Variants in GRIK1 observed in about 807,000 individuals in gnomAD.
GRIK1 encodes the protein glutamate ionotropic receptor kainate type subunit 1, also known as glutamate receptor ionotropic, kainate 1.
GRIK1 carries 69 observed loss-of-function variants against 105.7 expected under a neutral mutation model. That is an observed-to-expected ratio of 0.65 (90% CI 0.54 to 0.80). The LOEUF (loss-of-function observed/expected upper bound fraction) is 0.80. GRIK1 is among the 30% of genes least tolerant of loss of function. The pLI is 0.00. For synonymous variants in GRIK1, 438 were observed against 431.3 expected (o/e 1.02, Z -0.19); for missense variants, 1,109 against 1,167.3 (o/e 0.95, Z 0.73).
intron 1 of GRIK1, among the ~76,000 whole-genome samples, chr21:29,750,195 GTTCCTTCTCTCCC>G (rs1029005958): frequency 1.3e-5 from 2 of 151,034 alleles, no homozygotes; most frequent in African/African-American, 4.9e-5. Context: ...CCTATTTTTA[GTTCCTTCTCTCCC>G]TTCCTTCTCT....
chr21:29,695,197 G>A (rs754117257), intron 1 of GRIK1, among the ~76,000 whole-genome samples: 18 of 152,100 alleles, frequency 1.2e-4, no homozygotes, highest in Non-Finnish European at 2.5e-4. Context: ...AGACATTGAT[G>A]TTTGACAGAA....
At chr21:29,639,476 G>A (rs954271828) in intron 7 of GRIK1, among the ~76,000 whole-genome samples, 2 of 152,134 alleles carry the variant, frequency 1.3e-5, no homozygotes, top group Admixed American at 1.3e-4. Flanking sequence ...AGAGGAGCAC[G>A]GCATTGCAAT....
At chr21:29,823,638 G>A (rs554522106) in intron 1 of GRIK1, among the ~76,000 whole-genome samples, 30 of 151,968 alleles carry the variant, frequency 2.0e-4, no homozygotes, top group Non-Finnish European at 3.5e-4. Context: ...TGACCAAGGA[G>A]TACTCTTACA....
chr21:29,574,687 T>C (rs1339696580), intron 14 of GRIK1, among the ~76,000 whole-genome samples: 4 of 134,780 alleles, frequency 3.0e-5, no homozygotes, highest in South Asian at 4.7e-4. Context: ...ACACTTCTTT[T>C]TTTTTTTTTT....
At chr21:29,808,438 A>T (rs2066920562) in intron 1 of GRIK1, among the ~76,000 whole-genome samples, 1 of 152,206 alleles carries the variant, frequency 6.6e-6, no homozygotes, top group East Asian at 1.9e-4. Context: ...CAAGACTGTA[A>T]CTTGTCACCA....
chr21:29,836,787 G>A (rs1223739248), intron 1 of GRIK1, among the ~76,000 whole-genome samples: 2 of 152,136 alleles, frequency 1.3e-5, no homozygotes, highest in Admixed American at 6.5e-5. Flanking sequence ...GCTAAAAAAT[G>A]TAATTTCATT....
chr21:29,939,230 C>G (rs1213798354), intron 1 of GRIK1, among the ~76,000 whole-genome samples, 153 bp downstream of exon 1: 3 of 152,296 alleles, frequency 2.0e-5, no homozygotes, highest in East Asian at 1.9e-4. Flanking sequence ...GCGGCTCCCC[C>G]TTTTTTGTGT....
At chr21:29,679,185 T>C (rs2268207) in intron 3 of GRIK1, among the ~76,000 whole-genome samples, 2 of 152,140 alleles carry the variant, frequency 1.3e-5, no homozygotes, top group Admixed American at 1.3e-4. Context: ...GGGTTGATTG[T>C]TTTTTTCAAT....
At chr21:29,823,374 A>G (rs369336500) in intron 1 of GRIK1, among the ~76,000 whole-genome samples, 6 of 151,962 alleles carry the variant, frequency 3.9e-5, no homozygotes, top group Non-Finnish European at 7.4e-5. Flanking sequence ...TTATAGAGCT[A>G]TGTATTTATT....
At chr21:29,704,200 T>C (rs2063862694) in intron 1 of GRIK1, among the ~76,000 whole-genome samples, 1 of 152,184 alleles carries the variant, frequency 6.6e-6, no homozygotes, top group Admixed American at 6.5e-5. Context: ...AATACAAAGA[T>C]GAAAGATGCT....
In GRIK1 at chr21:29,561,671, A is replaced by G. The variant is rs773570253; in HGVS notation, c.2309T>C (p.Ile770Thr). The G allele has an allele frequency of 1.5e-5, 24 of 1,614,090 alleles. No individual in the cohort carries two copies. Among genetic ancestry groups the G allele is most frequent in the Non-Finnish European group, 2.0e-5 (24 of 1,179,974 alleles). The change falls in exon 15 of 18, where the codon ATC becomes ACC. Residue 770 changes from isoleucine (I) to threonine (T), a missense_variant. Transcript: ENST00000327783. ...ACCTTTGGAGTCAATGAGGCCCCCG[A>G]TCTGAGTGAGGTTGCAGTTTCTCTG... ...VTQRNCNLTQ[I>T]GGLIDSKGYG... is the part of the protein sequence containing the mutation.
intron 13 of GRIK1, among the ~76,000 whole-genome samples, chr21:29,579,186 G>A (rs763760361): frequency 2.6e-5 from 4 of 152,086 alleles, no homozygotes; most frequent in Non-Finnish European, 5.9e-5. Flanking sequence ...TAATAGAAAC[G>A]TATTGAGATT....
intron 1 of GRIK1, among the ~76,000 whole-genome samples, chr21:29,774,761 T>A (rs1490574975): frequency 6.6e-6 from 1 of 152,176 alleles, no homozygotes. Context: ...TGTTTCTTTA[T>A]CTCCCTCTTT....
At chr21:29,854,690 A>G (rs467546) in intron 1 of GRIK1, among the ~76,000 whole-genome samples, 48,768 of 151,942 alleles carry the variant, frequency 0.32, 8,510 homozygotes, top group East Asian at 0.46. Flanking sequence ...ATGTTTTCTC[A>G]TCTATTTGCT....
intron 7 of GRIK1, among the ~76,000 whole-genome samples, chr21:29,624,974 G>T (rs929630734): frequency 1.1e-4 from 16 of 152,184 alleles, no homozygotes; most frequent in African/African-American, 3.9e-4. Flanking sequence ...ACTACCTCCT[G>T]TTCCTCAGGG....
intron 1 of GRIK1, among the ~76,000 whole-genome samples, chr21:29,893,243 C>A (rs766425992): frequency 1.3e-5 from 2 of 152,234 alleles, no homozygotes; most frequent in South Asian, 2.1e-4. Flanking sequence ...AGGTTTGAAT[C>A]CTGGTTTTTT....
intron 1 of GRIK1, among the ~76,000 whole-genome samples, chr21:29,721,778 A>G (rs990117374): frequency 6.6e-6 from 1 of 152,156 alleles, no homozygotes; most frequent in Non-Finnish European, 1.5e-5. Context: ...AAGTCTAGAA[A>G]AACTATACAA....
intron 1 of GRIK1, among the ~76,000 whole-genome samples, chr21:29,724,995 C>A (rs1049611107): frequency 4.1e-5 from 6 of 145,576 alleles, no homozygotes; most frequent in Non-Finnish European, 5.9e-5. Flanking sequence ...AAACCTTGGT[C>A]CCTTTGCCAC....
At chr21:29,610,691 A>C (rs1044888269) in intron 7 of GRIK1, among the ~76,000 whole-genome samples, 4 of 152,200 alleles carry the variant, frequency 2.6e-5, no homozygotes, top group Non-Finnish European at 5.9e-5. Context: ...CTGCCAAAGC[A>C]GTAGGAGAAT....
Sources: gnomAD v4.1 joint callset for allele counts (sites outside exome capture counted in the v4.1 genomes callset) on GRCh38, gnomAD v4.1.1 for gene constraint, MANE v1.5 for transcripts, NCBI Gene and HGNC (gene_info 2026-07-23, HGNC 2026-07-21) for gene names.